Variants in TNIK observed in about 807,000 individuals in gnomAD.
TNIK encodes the protein TRAF2 and NCK-interacting protein kinase.
A neutral mutation model predicts 191.3 loss-of-function variants in TNIK; 49 were observed. The observed-to-expected ratio is 0.26, with a 90% confidence interval of 0.20 to 0.32. The LOEUF (loss-of-function observed/expected upper bound fraction) is 0.32. TNIK is among the 10% of genes least tolerant of loss of function. The pLI is 1.00. For synonymous variants in TNIK, 594 were observed against 600.9 expected, an observed-to-expected ratio of 0.99 and a Z score of 0.17; for missense variants, 1,155 against 1,702.3, an observed-to-expected ratio of 0.68 and a Z score of 5.66.
At chr3:171,175,395 G>A (rs1034799748) in intron 8 of TNIK, 65 bp from the exon 9 acceptor site, 2 of 1,433,688 alleles carry the variant, frequency 1.4e-6, no homozygotes, top group Non-Finnish European at 1.9e-6. Context: ...AGCCCGTCTT[G>A]GCTGTGCAGA....
chr3:171,126,268 A>G (rs1728467481), intron 16 of TNIK, 117 bp from the exon 17 acceptor site: 2 of 1,312,332 alleles, frequency 1.5e-6, no homozygotes, highest in Non-Finnish European at 2.0e-6. Context: ...ATTGGACTAT[A>G]GAGAGTCTAT....
At chr3:171,395,009 G>A (rs1450989682) in intron 1 of TNIK, among the ~76,000 whole-genome samples, 1 of 152,166 alleles carries the variant, frequency 6.6e-6, no homozygotes, top group African/African-American at 2.4e-5. Context: ...GAAAACAAAT[G>A]CTCTCTGCAT....
intron 2 of TNIK, among the ~76,000 whole-genome samples, chr3:171,229,106 C>A (rs1173272976): frequency 6.6e-6 from 1 of 152,200 alleles, no homozygotes; most frequent in Non-Finnish European, 1.5e-5. Flanking sequence ...TTCCAAGCCT[C>A]AGTTTCCTCA....
chr3:171,202,146 C>A (rs1451109732), intron 4 of TNIK, among the ~76,000 whole-genome samples: 1 of 152,220 alleles, frequency 6.6e-6, no homozygotes, highest in Middle Eastern at 3.4e-3. Flanking sequence ...ACATTAGCTG[C>A]ATCTTGTATT....
At chr3:171,308,018 TA>T (rs2108291490) in intron 2 of TNIK, among the ~76,000 whole-genome samples, 1 of 152,284 alleles carries the variant, frequency 6.6e-6, no homozygotes, top group East Asian at 1.9e-4. Flanking sequence ...ATTTACAGAT[TA>T]AATGCTATTT....
chr3:171,205,511 T>A (rs1739946111), intron 4 of TNIK, among the ~76,000 whole-genome samples: 1 of 152,194 alleles, frequency 6.6e-6, no homozygotes, highest in African/African-American at 2.4e-5. Context: ...AAGTTGAATG[T>A]GATGGCAGAA....
chr3:171,268,921 C>G (rs956490796), intron 2 of TNIK, among the ~76,000 whole-genome samples: 1 of 152,280 alleles, frequency 6.6e-6, no homozygotes, highest in South Asian at 2.1e-4. Flanking sequence ...AGGCATGGCT[C>G]TGTCACAAGA....
intron 3 of TNIK, among the ~76,000 whole-genome samples, 178 bp downstream of exon 3, chr3:171,227,987 T>A (rs1330496499): frequency 6.6e-6 from 1 of 152,206 alleles, no homozygotes. Flanking sequence ...AACGTAAGTG[T>A]TCTGAGCATG....
At chr3:171,297,317 G>A (rs948715838) in intron 2 of TNIK, among the ~76,000 whole-genome samples, 2 of 152,194 alleles carry the variant, frequency 1.3e-5, no homozygotes, top group Non-Finnish European at 2.9e-5. Flanking sequence ...AAGGCGATAT[G>A]TTGGGCTCAA....
intron 2 of TNIK, among the ~76,000 whole-genome samples, chr3:171,339,986 TAG>T (rs1023783153): frequency 2.6e-5 from 4 of 152,274 alleles, no homozygotes; most frequent in East Asian, 3.9e-4. Flanking sequence ...GAAAAATTCA[TAG>T]AGATTTATGT....
chr3:171,280,985 TA>T (rs1560366546), intron 2 of TNIK, among the ~76,000 whole-genome samples: 1 of 152,182 alleles, frequency 6.6e-6, no homozygotes, highest in East Asian at 1.9e-4. Flanking sequence ...ACCTACTGAA[TA>T]AACAGTCTCA....
intron 9 of TNIK, among the ~76,000 whole-genome samples, chr3:171,172,387 G>T (rs1735406674): frequency 6.6e-6 from 1 of 152,030 alleles, no homozygotes; most frequent in Admixed American, 6.6e-5. Context: ...CTTGGTCGGG[G>T]GAGGGAGTCT....
At chr3:171,121,662 T>C (rs1044185136) in intron 18 of TNIK, among the ~76,000 whole-genome samples, 7 of 152,232 alleles carry the variant, frequency 4.6e-5, no homozygotes, top group Non-Finnish European at 8.8e-5. Context: ...GTTATTCTTT[T>C]AGGTCACTAA....
At position 171,077,943 on chromosome 3, in the gene TNIK, G is replaced by T. The variant is rs1293092030; in HGVS notation, c.3448+1575C>A. On this transcript the variant is annotated intron_variant, in intron 28 of 32. Coordinates refer to ENST00000436636, the MANE Select transcript of TNIK (RefSeq NM_015028.4). ...AACACAGGAGGGCTATAAAATACTAGTTGGAAATAATTCTGTTGGGAATTT... is the reference window on the plus strand; with the variant it reads ...AACACAGGAGGGCTATAAAATACTATTTGGAAATAATTCTGTTGGGAATTT... Among the ~76,000 whole-genome samples the T allele has an allele frequency of 2.0e-5, 3 of 151,698 alleles. No individual in the cohort carries two copies. The East Asian group carries it at 5.8e-4, about 29-fold the overall frequency.
intron 2 of TNIK, among the ~76,000 whole-genome samples, chr3:171,265,892 T>C (rs540097425): frequency 1.3e-5 from 2 of 152,184 alleles, no homozygotes; most frequent in Non-Finnish European, 2.9e-5. Context: ...GAAAGAATTA[T>C]CAAATAAGAA....
chr3:171,126,332 C>T (rs761059979), intron 16 of TNIK, among the ~76,000 whole-genome samples, 181 bp from the exon 17 acceptor site: 2 of 151,562 alleles, frequency 1.3e-5, no homozygotes, highest in African/African-American at 2.4e-5. Flanking sequence ...TCCATTGGAA[C>T]GATATGTAGG....
chr3:171,144,579 T>C (rs1731279742), intron 12 of TNIK, among the ~76,000 whole-genome samples: 1 of 151,986 alleles, frequency 6.6e-6, no homozygotes, highest in Non-Finnish European at 1.5e-5. Context: ...ATCAAGTCAG[T>C]GTAATTAGCA....
chr3:171,233,484 A>T (rs757562637), intron 2 of TNIK, among the ~76,000 whole-genome samples: 3 of 152,158 alleles, frequency 2.0e-5, no homozygotes, highest in Non-Finnish European at 4.4e-5. Context: ...TCAATCATAG[A>T]TGCTGCAGTG....
chr3:171,076,442 T>A (rs1719945423), intron 28 of TNIK, among the ~76,000 whole-genome samples: 4 of 152,202 alleles, frequency 2.6e-5, no homozygotes, highest in Admixed American at 2.6e-4. Flanking sequence ...TCATCACACA[T>A]GATTGGACCC....
Sources: allele counts gnomAD v4.1 joint callset (sites outside exome capture counted in the v4.1 genomes callset), GRCh38; gene constraint gnomAD v4.1.1; transcripts MANE v1.5; gene names NCBI Gene and HGNC (gene_info 2026-07-23, HGNC 2026-07-21).